The following GTF2F2 variants were observed in gnomAD, a reference collection of about 807,000 sequenced individuals.
GTF2F2 encodes the protein ATP-dependent helicase GTF2F2.
Under a neutral mutation model 42.2 loss-of-function variants are expected in GTF2F2, and 23 were observed. That is an observed-to-expected ratio of 0.55 (90% CI 0.39 to 0.77). The LOEUF (loss-of-function observed/expected upper bound fraction) is 0.77, where lower values mean the gene tolerates loss of function less well. Ranked by LOEUF, GTF2F2 falls within the 30% of genes least tolerant of loss-of-function variation. The probability of loss-of-function intolerance (pLI) is 0.00; values close to 1 mark genes in which losing one functional copy is unlikely to be tolerated. For missense variants in GTF2F2, 261 were observed against 287.2 expected, an observed-to-expected ratio of 0.91 and a Z score of 0.66; for synonymous variants, 105 against 100.8, an observed-to-expected ratio of 1.04 and a Z score of -0.25.
rs761762178 is a variant in GTF2F2 at position 45,120,531 on chromosome 13, A to T, written c.-125A>T. ...TTTCCTCGGTTCCCAGTGTTCTGGC[A>T]GGTAAGGAACGCCGGCTCTTCGCCT... On this transcript the variant is annotated 5_prime_UTR_variant, in exon 1 of 8. Transcript: ENST00000340473. 84 of 677,162 alleles carry T rather than the reference A, an allele frequency of 1.2e-4. No individual in the cohort carries two copies. In the South Asian group the frequency reaches 1.4e-3, roughly 11 times the overall value. 41.9% of individuals were successfully genotyped at this position (677,162 alleles called of 1,614,324 possible). A position where few individuals can be genotyped will look rare whatever the true frequency, so the allele number is the denominator to read the frequency against.
Position 45,141,320 on chromosome 13 carries a change from C to T in GTF2F2, c.140+4514C>T, listed in dbSNP as rs184390047. ...ATGCTGCAATTTTTCCTTATGAATC[C>T]TTGCTTGGTAGAAAATCTCAAGGTC... On this transcript the variant is annotated intron_variant, in intron 2 of 7. Coordinates refer to ENST00000340473, the MANE Select transcript of GTF2F2 (RefSeq NM_004128.3). Among the ~76,000 whole-genome samples the T allele has an allele frequency of 3.6e-4, 55 of 152,242 alleles. 1 individual carries two copies. The highest frequency in any genetic ancestry group is 1.3e-3 in the African/African-American group (53 of 41,554).
At chr13:45,278,563 C>T (rs1055352185) in intron 7 of GTF2F2, among the ~76,000 whole-genome samples, 1 of 152,120 alleles carries the variant, frequency 6.6e-6, no homozygotes, top group Non-Finnish European at 1.5e-5. Context: ...TCCTCTGTTT[C>T]AAATACAGGT....
chr13:45,148,792 T>C (rs896363168), intron 2 of GTF2F2, among the ~76,000 whole-genome samples: 7 of 152,194 alleles, frequency 4.6e-5, no homozygotes, highest in Non-Finnish European at 8.8e-5. Flanking sequence ...TTGATTTTGC[T>C]TTGTAAAAAA....
intron 4 of GTF2F2, chr13:45,194,117 G>C: frequency 4.3e-6 from 7 of 1,613,928 alleles, no homozygotes; most frequent in Non-Finnish European, 5.9e-6. Context: ...CCTTGTGAAC[G>C]ATCGTGGTTA....
At chr13:45,142,437 G>A (rs906034343) in intron 2 of GTF2F2, among the ~76,000 whole-genome samples, 12 of 152,186 alleles carry the variant, frequency 7.9e-5, no homozygotes, top group African/African-American at 2.7e-4. Context: ...CAAAGTGCTA[G>A]GATTACAGGC....
rs1301816921 is a variant in GTF2F2 at position 45,140,556 on chromosome 13, ATAGT to A, written c.140+3753_140+3756del. ...ATGAATCCATTAAGATAATATGGAA[ATAGT>A]TATTTATTTGTATATTTAAGTTTAT... On this transcript the variant is annotated intron_variant, in intron 2 of 7. Transcript: ENST00000340473. Among the ~76,000 whole-genome samples the A allele has an allele frequency of 7.2e-5, 11 of 152,318 alleles. No homozygotes were observed. In the South Asian group the frequency reaches 8.3e-4, roughly 11 times the overall value.
intron 5 of GTF2F2, among the ~76,000 whole-genome samples, chr13:45,251,310 T>A (rs2138246170): frequency 6.6e-6 from 1 of 152,296 alleles, no homozygotes; most frequent in South Asian, 2.1e-4. Context: ...AAAATGGAAA[T>A]TGTTTTTAAT....
At chr13:45,172,360 C>G (rs1871641115) in intron 4 of GTF2F2, among the ~76,000 whole-genome samples, 1 of 152,136 alleles carries the variant, frequency 6.6e-6, no homozygotes, top group African/African-American at 2.4e-5. Flanking sequence ...AATACCTATT[C>G]CAGACCCTTT....
In GTF2F2 at chr13:45,194,723, G is replaced by A. The variant is rs1593483931; in HGVS notation, c.305-12701G>A. 4.5e-6 allele frequency: 3 copies of A among 664,422 alleles called. No individual in the cohort carries two copies. In the East Asian group the frequency reaches 8.0e-5, roughly 18 times the overall value. The allele number at this position is 664,422 out of a possible 1,614,324, so 41.2% of individuals were successfully genotyped here. A position where few individuals can be genotyped will look rare whatever the true frequency, so the allele number is the denominator to read the frequency against. On this transcript the variant is annotated intron_variant, in intron 4 of 7. Transcript: ENST00000340473. ...CGCTGTCAGCTCGGTTTTGCAGTAG[G>A]TGGCGTATCAGCCTATGTATGCAGG...
intron 2 of GTF2F2, among the ~76,000 whole-genome samples, chr13:45,145,882 C>T (rs1489998254): frequency 1.3e-5 from 2 of 152,152 alleles, no homozygotes; most frequent in African/African-American, 4.8e-5. Context: ...GAGGTTTCTC[C>T]CCTCCTCCAT....
At chr13:45,149,843 A>C in intron 3 of GTF2F2, 55 bp downstream of exon 3, 1 of 1,428,118 alleles carries the variant, frequency 7.0e-7, no homozygotes, top group Non-Finnish European at 9.4e-7. Context: ...CTTTTCATTA[A>C]TAATAGTGAA....
At chr13:45,223,331 A>C (rs923177738) in intron 5 of GTF2F2, among the ~76,000 whole-genome samples, 11 of 152,052 alleles carry the variant, frequency 7.2e-5, no homozygotes, top group African/African-American at 2.7e-4. Flanking sequence ...TAGGAGAAAC[A>C]AAACACGTGC....
chr13:45,266,467 C>G lies in GTF2F2; in HGVS notation c.487-766C>G, dbSNP rs74682693. Among the ~76,000 whole-genome samples, 267 of 152,312 alleles carry G rather than the reference C, an allele frequency of 1.8e-3. 1 individual carries two copies. Among genetic ancestry groups the G allele is most frequent in the African/African-American group, 6.1e-3 (254 of 41,556 alleles). On this transcript the variant is annotated intron_variant, in intron 6 of 7. Coordinates refer to ENST00000340473, the MANE Select transcript of GTF2F2 (RefSeq NM_004128.3). ...TTACCAATGCTTCCCAAACTTTTCA[C>G]TCCGTAAAGAACCCGTTTTATAATC... is the stretch of plus-strand genomic sequence containing the variant.
chr13:45,199,669 C>A (rs930380701), intron 4 of GTF2F2, among the ~76,000 whole-genome samples: 3 of 152,224 alleles, frequency 2.0e-5, no homozygotes, highest in South Asian at 4.2e-4. Flanking sequence ...TGGCAAAATG[C>A]AATTTTACTT....
intron 5 of GTF2F2, among the ~76,000 whole-genome samples, chr13:45,243,172 G>A (rs1289586243): frequency 6.6e-6 from 1 of 152,130 alleles, no homozygotes; most frequent in African/African-American, 2.4e-5. Context: ...ATAAAATGGT[G>A]TTGTATTTGC....
chr13:45,127,210 A>G (rs1358027763), intron 1 of GTF2F2, among the ~76,000 whole-genome samples: 3 of 152,212 alleles, frequency 2.0e-5, no homozygotes, highest in Admixed American at 6.5e-5. Flanking sequence ...CTTTGAATTA[A>G]ATAAGCTGGT....
At chr13:45,276,906 A>C (rs1340724017) in intron 7 of GTF2F2, among the ~76,000 whole-genome samples, 1 of 152,200 alleles carries the variant, frequency 6.6e-6, no homozygotes, top group Non-Finnish European at 1.5e-5. Flanking sequence ...TATTAACGCA[A>C]TAATTGCTTT....
intron 5 of GTF2F2, among the ~76,000 whole-genome samples, chr13:45,249,270 T>C (rs1875773962): frequency 6.6e-6 from 1 of 152,244 alleles, no homozygotes; most frequent in Non-Finnish European, 1.5e-5. Context: ...AGTTCATACA[T>C]TAACCTTTTT....
At chr13:45,120,886 C>T (rs1424933970) in intron 1 of GTF2F2, among the ~76,000 whole-genome samples, 165 bp downstream of exon 1, 3 of 152,134 alleles carry the variant, frequency 2.0e-5, no homozygotes, top group Non-Finnish European at 2.9e-5. Context: ...TGTTTGCAGA[C>T]GAGGAATTAG....
Sources: gnomAD v4.1 joint callset for allele counts (sites outside exome capture counted in the v4.1 genomes callset) on GRCh38, gnomAD v4.1.1 for gene constraint, MANE v1.5 for transcripts, NCBI Gene and HGNC (gene_info 2026-07-23, HGNC 2026-07-21) for gene names.